OGFOD3: variants seen among roughly 807,000 people sequenced by gnomAD.
The protein encoded by OGFOD3 is 2-oxoglutarate and iron dependent oxygenase domain containing 3.
A neutral mutation model predicts 39.8 loss-of-function variants in OGFOD3; 35 were observed. The ratio of observed to expected loss-of-function variants is 0.88; its 90% CI spans 0.67 to 1.17. The LOEUF (loss-of-function observed/expected upper bound fraction) is 1.17. Ranked by LOEUF, OGFOD3 falls within the 50% of genes most tolerant of loss-of-function variation. The pLI, the probability that OGFOD3 is intolerant of heterozygous loss-of-function variation, is 0.00. For missense variants in OGFOD3, 438 were observed against 454.5 expected (o/e 0.96, Z 0.33); for synonymous variants, 200 against 192.0 (o/e 1.04, Z -0.34).
At chr17:82,397,963 G>A (rs2052702729) in intron 8 of OGFOD3, among the ~76,000 whole-genome samples, 1 of 152,240 alleles carries the variant, frequency 6.6e-6, no homozygotes, top group Admixed American at 6.5e-5. Flanking sequence ...CACACACCAG[G>A]GCGTGGAGGG....
chr17:82,394,871 G>A (rs1240469903), intron 8 of OGFOD3, among the ~76,000 whole-genome samples: 7 of 152,126 alleles, frequency 4.6e-5, no homozygotes, highest in South Asian at 2.1e-4. Context: ...AGGCTCGGCC[G>A]AGCATCCCTG....
chr17:82,407,215 A>C (rs2052869641), intron 4 of OGFOD3, among the ~76,000 whole-genome samples: 1 of 151,870 alleles, frequency 6.6e-6, no homozygotes, highest in Non-Finnish European at 1.5e-5. Context: ...CAGCGAGCCG[A>C]GATCGTGCCA....
intron 1 of OGFOD3, among the ~76,000 whole-genome samples, chr17:82,417,863 T>C (rs1303549862): frequency 1.3e-5 from 2 of 152,114 alleles, no homozygotes; most frequent in Admixed American, 1.3e-4. Context: ...AAAATATTAA[T>C]ATCAAGCAAG....
intron 7 of OGFOD3, among the ~76,000 whole-genome samples, chr17:82,403,102 G>T (rs1214665074): frequency 6.6e-6 from 1 of 152,048 alleles, no homozygotes; most frequent in Non-Finnish European, 1.5e-5. Flanking sequence ...GTAAAAGAAG[G>T]CTCCCAGAGA....
intron 1 of OGFOD3, among the ~76,000 whole-genome samples, chr17:82,417,517 G>A (rs1186513881): frequency 6.6e-6 from 1 of 151,706 alleles, no homozygotes. Context: ...TATTTGGGAG[G>A]CTGAGGCAGG....
chr17:82,403,847 G>C, intron 7 of OGFOD3, 90 bp downstream of exon 7: 1 of 1,438,142 alleles, frequency 7.0e-7, no homozygotes, highest in Non-Finnish European at 9.4e-7. Context: ...CCACGAGCGC[G>C]CTCACCCTGC....
intron 4 of OGFOD3, among the ~76,000 whole-genome samples, chr17:82,409,051 C>T (rs187190403): frequency 4.5e-4 from 69 of 152,338 alleles, no homozygotes; most frequent in Middle Eastern, 3.4e-3. Flanking sequence ...TCGCTGGGCT[C>T]CCACCCCGCT....
At chr17:82,402,783 A>G (rs1431372123) in intron 7 of OGFOD3, among the ~76,000 whole-genome samples, 1 of 150,058 alleles carries the variant, frequency 6.7e-6, no homozygotes, top group Admixed American at 6.6e-5. Flanking sequence ...TGGGATGGGT[A>G]ATGGCTCTCG....
chr17:82,398,092 G>A (rs1229489789), intron 8 of OGFOD3, 104 bp downstream of exon 8: 4 of 1,403,298 alleles, frequency 2.9e-6, no homozygotes, highest in Non-Finnish European at 4.0e-6. Flanking sequence ...GCACACAGCA[G>A]ATGCTCCGTG....
chr17:82,396,668 TC>T (rs911375219), intron 8 of OGFOD3: 1 of 152,186 alleles, frequency 6.6e-6, no homozygotes, highest in African/African-American at 2.4e-5. Flanking sequence ...TAATTTCGAG[TC>T]CCAGGAGGCT....
intron 7 of OGFOD3, among the ~76,000 whole-genome samples, chr17:82,402,434 A>C (rs1432360389): frequency 6.7e-6 from 1 of 148,338 alleles, no homozygotes; most frequent in Non-Finnish European, 1.5e-5. Flanking sequence ...GACTGTCTCA[A>C]AAAAAAAAAG....
intron 4 of OGFOD3, among the ~76,000 whole-genome samples, chr17:82,407,024 C>T (rs557514618): frequency 6.6e-6 from 1 of 152,252 alleles, no homozygotes; most frequent in East Asian, 1.9e-4. Context: ...TCAAAACCAG[C>T]CTGGCTAACA....
rs967422525 is a variant in OGFOD3, at chr17:82,403,978, G to A, written c.658C>T (p.Arg220Trp). Residue 220 changes from arginine (R) to tryptophan (W), a missense_variant, in exon 7 of 9, where the codon CGG (arginine) becomes TGG (tryptophan). Transcript: ENST00000313056. Reference protein sequence around the residue: ...FFSRINSTEARTAHDEYWHAH... With the variant: ...FFSRINSTEAWTAHDEYWHAH... ...TGCCAGTACTCGTCGTGCGCCGTCCGCGCTTCCGTGCTGTTTATGCGGGAG... is the reference window on the plus strand; with the variant it reads ...TGCCAGTACTCGTCGTGCGCCGTCCACGCTTCCGTGCTGTTTATGCGGGAG... 5.0e-6 allele frequency: 8 copies of A among 1,609,262 alleles called. No homozygotes were observed. The highest frequency in any genetic ancestry group is 5.9e-6 in the Non-Finnish European group (7 of 1,178,362).
intron 2 of OGFOD3, among the ~76,000 whole-genome samples, chr17:82,414,401 G>A (rs2053000391): frequency 6.6e-6 from 1 of 152,182 alleles, no homozygotes; most frequent in Non-Finnish European, 1.5e-5. Context: ...GCCTCCCAAA[G>A]TGCTGGGATT....
chr17:82,411,990 A>G (rs1263695210), intron 2 of OGFOD3, among the ~76,000 whole-genome samples: 1 of 150,430 alleles, frequency 6.6e-6, no homozygotes, highest in Non-Finnish European at 1.5e-5. Context: ...AACCCTCCTG[A>G]GACCACCAGA....
rs781186711 is a variant in OGFOD3 at position 82,392,477 on chromosome 17, T to G, written c.881A>C (p.His294Pro). Residue 294 changes from histidine to proline, a missense_variant, in exon 9 of 9, where the codon CAC (histidine) becomes CCC (proline). His to Pro is a moderately conservative substitution (Grantham distance 77, BLOSUM62 -2). Transcript: ENST00000313056. This position sits in a 1 kb window ranked among gnomAD's most constrained non-coding sequence, Gnocchi z 4.2. ...GGTGATGGCGTAACGGGTGCCCCAGTGGACCTTCTCCACGCGGTGTAGGTT... is the reference window on the plus strand; with the variant it reads ...GGTGATGGCGTAACGGGTGCCCCAGGGGACCTTCTCCACGCGGTGTAGGTT... ...SENLHRVEKV[H>P]WGTRYAITIA... 6.2e-7 allele frequency: 1 copy of G among 1,610,486 alleles called. No individual in the cohort carries two copies. The highest frequency in any genetic ancestry group is 1.1e-5 in the South Asian group (1 of 90,068).
At chr17:82,400,209 C>T (rs767054498) in intron 7 of OGFOD3, among the ~76,000 whole-genome samples, 1 of 152,040 alleles carries the variant, frequency 6.6e-6, no homozygotes, top group Admixed American at 6.5e-5. Context: ...GCTCCCTCCC[C>T]CCTGCCCCTC....
rs116442542 is a variant in OGFOD3 at position 82,412,913 on chromosome 17, T to C, written c.305-1383A>G. ...ACGTGGAGCATCCCTCCCGGGACCA[T>C]GGGAATAAAAGCCTCGCACTCAGTG... On this transcript the variant is annotated intron_variant, in intron 2 of 8. Coordinates refer to ENST00000313056, the MANE Select transcript of OGFOD3 (RefSeq NM_024648.3). Among the ~76,000 whole-genome samples, 1,048 of 152,152 alleles carry C rather than the reference T, an allele frequency of 6.9e-3. 16 individuals carry two copies. Among genetic ancestry groups the C allele is most frequent in the African/African-American group, 0.022 (910 of 41,496 alleles).
At chr17:82,417,900 G>A (rs1296080271) in intron 1 of OGFOD3, among the ~76,000 whole-genome samples, 1 of 152,138 alleles carries the variant, frequency 6.6e-6, no homozygotes, top group Non-Finnish European at 1.5e-5. Context: ...GCACGTTAGA[G>A]GCTCCTTCAC....
Sources: gnomAD v4.1 joint callset for allele counts (sites outside exome capture counted in the v4.1 genomes callset) on GRCh38, gnomAD v4.1.1 for gene constraint, Gnocchi (gnomAD v3.1) non-coding constraint, MANE v1.5 for transcripts, NCBI Gene and HGNC (gene_info 2026-07-23, HGNC 2026-07-21) for gene names.